NAALADL2: variants seen among roughly 807,000 people sequenced by gnomAD.
NAALADL2 encodes the protein inactive N-acetylated-alpha-linked acidic dipeptidase-like protein 2.
A neutral mutation model predicts 87.2 loss-of-function variants in NAALADL2; 76 were observed. The ratio of observed to expected loss-of-function variants is 0.87; its 90% CI spans 0.72 to 1.05. NAALADL2 has a LOEUF of 1.05. Among genes scored for constraint, NAALADL2 ranks in the 50% least tolerant of loss-of-function variants. The probability of loss-of-function intolerance (pLI) is 0.00; values close to 1 mark genes in which losing one functional copy is unlikely to be tolerated. For synonymous variants in NAALADL2, 354 were observed against 331.0 expected, an observed-to-expected ratio of 1.07 and a Z score of -0.75; for missense variants, 1,089 against 945.8, an observed-to-expected ratio of 1.15 and a Z score of -1.99.
chr3:175,672,336 G>C (rs919517063), intron 11 of NAALADL2, among the ~76,000 whole-genome samples: 2 of 152,016 alleles, frequency 1.3e-5, no homozygotes, highest in African/African-American at 4.8e-5. Context: ...CCTTTACTTT[G>C]CTATTTTTAT....
chr3:175,408,217 A>G (rs966182608), intron 5 of NAALADL2, among the ~76,000 whole-genome samples: 29 of 152,092 alleles, frequency 1.9e-4, no homozygotes, highest in African/African-American at 6.3e-4. Flanking sequence ...GCTCTGCATG[A>G]TGACTTCAGT....
At chr3:175,796,084 A>AGAGAGTGGGG (rs769139057) in intron 13 of NAALADL2, among the ~76,000 whole-genome samples, 23 of 92,618 alleles carry the variant, frequency 2.5e-4, no homozygotes, top group Non-Finnish European at 3.9e-4. Flanking sequence ...GGAGAAGGAG[A>AGAGAGTGGGG]GAGAGTGGGG....
Position 175,256,410 on chromosome 3 carries a change from G to A in NAALADL2, c.820-1G>A, listed in dbSNP as rs1749952093. On this transcript the variant is annotated splice_acceptor_variant, in intron 3 of 13. Transcript: ENST00000454872. LOFTEE classifies it high-confidence loss of function. Reference sequence around the variant, plus strand: ...TTTCTTTGTTTTTTCTCCTCTTTCAGGCTGAAGTCATCGATGTGAGTTATG... The same window carrying A: ...TTTCTTTGTTTTTTCTCCTCTTTCAAGCTGAAGTCATCGATGTGAGTTATG... 6.2e-7 allele frequency: 1 copy of A among 1,608,392 alleles called. No homozygotes were observed. The highest frequency in any genetic ancestry group is 8.5e-7 in the Non-Finnish European group (1 of 1,177,518).
Position 175,463,511 on chromosome 3 carries a change from T to A in NAALADL2, c.1327+18T>A. The A allele has an allele frequency of 1.5e-6, 2 of 1,341,322 alleles. No individual in the cohort carries two copies. Among genetic ancestry groups the A allele is most frequent in the Non-Finnish European group, 2.1e-6 (2 of 952,402 alleles). The allele number at this position is 1,341,322 out of a possible 1,614,324, so 83.1% of individuals were successfully genotyped here. A position where few individuals can be genotyped will look rare whatever the true frequency, so the allele number is the denominator to read the frequency against. Reference sequence around the variant, plus strand: ...ATCTCCAGGTAAGTAGGGTTGAAAATTTATAATCTACACTTTATATGAAAC... The same window carrying A: ...ATCTCCAGGTAAGTAGGGTTGAAAAATTATAATCTACACTTTATATGAAAC... On this transcript the variant is annotated intron_variant, in intron 7 of 13. Transcript: ENST00000454872.
intron 4 of NAALADL2, among the ~76,000 whole-genome samples, chr3:175,269,593 T>A (rs1431880668): frequency 6.6e-6 from 1 of 152,240 alleles, no homozygotes; most frequent in Non-Finnish European, 1.5e-5. Flanking sequence ...TAGTTTACTT[T>A]CAGATACACA....
intron 4 of NAALADL2, among the ~76,000 whole-genome samples, chr3:175,276,297 ATTT>A (rs10645974): frequency 3.0e-5 from 4 of 133,546 alleles, no homozygotes; most frequent in Non-Finnish European, 3.2e-5. Context: ...CGCTTTGCAA[ATTT>A]TTTTTTTTTT....
intron 3 of NAALADL2, among the ~76,000 whole-genome samples, chr3:174,849,734 C>CA (rs57620256): frequency 0.11 from 6,746 of 62,498 alleles, 470 homozygotes; most frequent in East Asian, 0.13. Flanking sequence ...GACTCTGACT[C>CA]AAAAAAAAAA....
At chr3:175,634,359 T>C (rs1292338292) in intron 11 of NAALADL2, among the ~76,000 whole-genome samples, 1 of 151,972 alleles carries the variant, frequency 6.6e-6, no homozygotes, top group Non-Finnish European at 1.5e-5. Context: ...TTGTATCAGT[T>C]GTTATAATAT....
intron 2 of NAALADL2, among the ~76,000 whole-genome samples, chr3:175,154,471 A>G (rs373164413): frequency 1.1e-4 from 17 of 152,272 alleles, no homozygotes; most frequent in African/African-American, 3.1e-4. Flanking sequence ...CTCTTTCCTT[A>G]TCTGTAAAAT....
intron 1 of NAALADL2, among the ~76,000 whole-genome samples, chr3:174,954,826 T>C (rs1173012071): frequency 6.6e-6 from 1 of 152,058 alleles, no homozygotes; most frequent in Non-Finnish European, 1.5e-5. Flanking sequence ...AAAGACCTTG[T>C]AAGAGAAGTT....
chr3:174,528,045 G>A (rs1055798299), intron 1 of NAALADL2, among the ~76,000 whole-genome samples: 2 of 152,154 alleles, frequency 1.3e-5, no homozygotes, highest in African/African-American at 4.8e-5. Flanking sequence ...CTGAATAGTT[G>A]CAACAGGTGC....
At chr3:175,696,962 G>C (rs1737876534) in intron 11 of NAALADL2, among the ~76,000 whole-genome samples, 2 of 151,980 alleles carry the variant, frequency 1.3e-5, no homozygotes, top group African/African-American at 2.4e-5. Flanking sequence ...CATTCATGAG[G>C]GTGGCACACT....
chr3:175,480,224 T>C (rs1726255688), intron 9 of NAALADL2, among the ~76,000 whole-genome samples: 1 of 151,814 alleles, frequency 6.6e-6, no homozygotes, highest in Non-Finnish European at 1.5e-5. Flanking sequence ...TGGCTCTAAA[T>C]CTACAAGCCA....
intron 2 of NAALADL2, among the ~76,000 whole-genome samples, chr3:175,163,653 C>T (rs1030143114): frequency 6.6e-6 from 1 of 152,086 alleles, no homozygotes; most frequent in African/African-American, 2.4e-5. Context: ...TAAAAAGACC[C>T]ATCGGTCTAT....
chr3:174,600,269 A>G (rs922924469), intron 2 of NAALADL2, among the ~76,000 whole-genome samples: 7 of 152,084 alleles, frequency 4.6e-5, no homozygotes, highest in African/African-American at 9.7e-5. Flanking sequence ...AACCTTTAGC[A>G]CGGGGATTAA....
chr3:174,955,551 C>A (rs1214634401), intron 1 of NAALADL2, among the ~76,000 whole-genome samples: 1 of 152,000 alleles, frequency 6.6e-6, no homozygotes, highest in East Asian at 1.9e-4. Context: ...CAAATAGAGA[C>A]ACTGGCAGAA....
intron 1 of NAALADL2, among the ~76,000 whole-genome samples, chr3:174,470,521 T>A (rs576186373): frequency 3.5e-4 from 53 of 152,280 alleles, no homozygotes; most frequent in African/African-American, 1.2e-3. Context: ...TTGCATTTGC[T>A]TTTGAAGTCT....
At position 175,367,574 on chromosome 3, in the gene NAALADL2, C is replaced by T. The variant is rs1346305303; in HGVS notation, c.1090+43249C>T. Among the ~76,000 whole-genome samples the T allele has an allele frequency of 1.3e-4, 20 of 152,268 alleles. No individual in the cohort carries two copies. In the East Asian group the frequency reaches 2.5e-3, roughly 19 times the overall value. On this transcript the variant is annotated intron_variant, in intron 5 of 13. Transcript: ENST00000454872. ...TAGTTCTCCTTGAAGAGGTCCTCCA[C>T]GTCCCTTGTAAGTTGGATTCCTAAG...
intron 5 of NAALADL2, among the ~76,000 whole-genome samples, chr3:175,386,259 T>G (rs766613429): frequency 6.6e-6 from 1 of 151,846 alleles, no homozygotes; most frequent in Non-Finnish European, 1.5e-5. Context: ...CCCCTCCCAC[T>G]TTGTCCTCCT....
Sources: allele counts gnomAD v4.1 joint callset (sites outside exome capture counted in the v4.1 genomes callset), GRCh38; gene constraint gnomAD v4.1.1; transcripts MANE v1.5; gene names NCBI Gene and HGNC (gene_info 2026-07-23, HGNC 2026-07-21).